PRELID2: variants seen among roughly 807,000 people sequenced by gnomAD.
The protein encoded by PRELID2 is PRELI domain-containing protein 2.
A neutral mutation model predicts 28.4 loss-of-function variants in PRELID2; 25 were observed. The ratio of observed to expected loss-of-function variants is 0.88; its 90% confidence interval spans 0.64 to 1.23. The LOEUF is 1.23. Ranked by LOEUF, PRELID2 falls within the 50% of genes most tolerant of loss-of-function variation. The pLI is 0.00. For synonymous variants in PRELID2, 76 were observed against 71.6 expected, an observed-to-expected ratio of 1.06 and a Z score of -0.31; for missense variants, 201 against 214.4, an observed-to-expected ratio of 0.94 and a Z score of 0.39.
At chr5:145,421,099 GA>G in the PRELID2 span, among the ~76,000 whole-genome samples, 1 of 151,722 alleles carries the variant, frequency 6.6e-6, no homozygotes, top group Non-Finnish European at 1.5e-5. Flanking sequence ...GATCATGGGG[GA>G]TAAGCTTTTT....
At chr5:145,636,972 G>A (rs1036643232) in intron 1 of PRELID2, among the ~76,000 whole-genome samples, 3 of 151,914 alleles carry the variant, frequency 2.0e-5, no homozygotes, top group Non-Finnish European at 4.4e-5. Flanking sequence ...TTCTACCAAC[G>A]GAAAGATGAA....
the PRELID2 span, among the ~76,000 whole-genome samples, chr5:145,336,506 C>T: frequency 6.6e-6 from 1 of 151,856 alleles, no homozygotes; most frequent in African/African-American, 2.4e-5. Flanking sequence ...AGCCAGTTTT[C>T]CCAGCACCAT....
At chr5:145,779,823 T>C (rs527545919) in intron 5 of PRELID2, among the ~76,000 whole-genome samples, 10 of 152,318 alleles carry the variant, frequency 6.6e-5, no homozygotes, top group Admixed American at 5.2e-4. Flanking sequence ...CTGATTTAAA[T>C]CCACATTGGG....
At chr5:145,275,913 C>CAGTATG in the PRELID2 span, among the ~76,000 whole-genome samples, 1 of 152,020 alleles carries the variant, frequency 6.6e-6, no homozygotes, top group East Asian at 1.9e-4. Context: ...ACAGTATGCA[C>CAGTATG]CTCATAAGTG....
chr5:145,378,431 T>C, the PRELID2 span, among the ~76,000 whole-genome samples: 9 of 152,340 alleles, frequency 5.9e-5, no homozygotes, highest in South Asian at 2.1e-4. Context: ...CAGTGAATCA[T>C]AGATTTGGTA....
intron 1 of PRELID2, among the ~76,000 whole-genome samples, chr5:145,492,343 T>TAATACTCCCTTCTCCCTCG (rs1389027055): frequency 9.8e-5 from 14 of 143,518 alleles, no homozygotes; most frequent in South Asian, 7.5e-4. Flanking sequence ...AAATGTCTAT[T>TAATACTCCCTTCTCCCTCG]CAGGTCCTTT....
At chr5:145,633,177 G>A (rs954763831) in intron 1 of PRELID2, among the ~76,000 whole-genome samples, 1 of 152,170 alleles carries the variant, frequency 6.6e-6, no homozygotes, top group African/African-American at 2.4e-5. Flanking sequence ...GTAAAATGCT[G>A]AACAAAGGAC....
the PRELID2 span, among the ~76,000 whole-genome samples, chr5:145,356,602 CT>C: frequency 6.7e-6 from 1 of 150,208 alleles, no homozygotes; most frequent in Non-Finnish European, 1.5e-5. Flanking sequence ...CTTGCTTTTT[CT>C]TTTTTCTGTT....
At chr5:145,826,499 T>C (rs557542899) in intron 1 of PRELID2, among the ~76,000 whole-genome samples, 3 of 152,324 alleles carry the variant, frequency 2.0e-5, no homozygotes, top group South Asian at 4.1e-4. Flanking sequence ...TTTGACTTCA[T>C]TTTGCATTTC....
downstream of PRELID2, among the ~76,000 whole-genome samples, chr5:145,469,059 T>C (rs1240571374): frequency 6.6e-6 from 1 of 152,116 alleles, no homozygotes; most frequent in Non-Finnish European, 1.5e-5. Flanking sequence ...TACAGAAGTG[T>C]ATGTCCACCT....
intron 1 of PRELID2, among the ~76,000 whole-genome samples, chr5:145,745,227 T>A (rs1056946834): frequency 1.3e-5 from 2 of 152,104 alleles, no homozygotes; most frequent in Non-Finnish European, 1.5e-5. Flanking sequence ...AGACCAAACC[T>A]ATGATAGACT....
At chr5:145,243,943 T>G in the PRELID2 span, among the ~76,000 whole-genome samples, 1 of 152,158 alleles carries the variant, frequency 6.6e-6, no homozygotes, top group African/African-American at 2.4e-5. Context: ...CTTGTTTGTT[T>G]GTTTATTTGT....
intron 1 of PRELID2, among the ~76,000 whole-genome samples, chr5:145,717,097 C>A (rs920498886): frequency 6.6e-6 from 1 of 152,068 alleles, no homozygotes; most frequent in Non-Finnish European, 1.5e-5. Flanking sequence ...AAAAGAGAAT[C>A]AGAAAAATAT....
chr5:145,362,072 A>G, the PRELID2 span, among the ~76,000 whole-genome samples: 226 of 152,304 alleles, frequency 1.5e-3, 2 homozygotes, highest in African/African-American at 5.1e-3. Flanking sequence ...TTTTACAAGC[A>G]TAAGGTCCAT....
chr5:145,331,015 C>T, the PRELID2 span, among the ~76,000 whole-genome samples: 1 of 152,048 alleles, frequency 6.6e-6, no homozygotes, highest in African/African-American at 2.4e-5. Flanking sequence ...TTATTTCTGC[C>T]TTAATTTTCT....
the PRELID2 span, among the ~76,000 whole-genome samples, chr5:145,320,364 C>T: frequency 1.3e-5 from 2 of 151,794 alleles, no homozygotes; most frequent in African/African-American, 2.4e-5. Flanking sequence ...TCCGCCTCAC[C>T]GCTTCACGCC....
At chr5:145,469,176 C>T (rs925160629), downstream of PRELID2, among the ~76,000 whole-genome samples, 1 of 152,040 alleles carries the variant, frequency 6.6e-6, no homozygotes, top group Non-Finnish European at 1.5e-5. Context: ...TTATCTCCTT[C>T]GCCCCTTAGA....
chr5:145,342,902 T>TAAAAAAAA, the PRELID2 span, among the ~76,000 whole-genome samples: 3 of 128,970 alleles, frequency 2.3e-5, no homozygotes, highest in Non-Finnish European at 3.3e-5. Flanking sequence ...TCAAAAACAG[T>TAAAAAAAA]AAAAAAAAAA....
At chr5:145,785,370 G>A (rs1581198493) in intron 5 of PRELID2, among the ~76,000 whole-genome samples, 1 of 152,102 alleles carries the variant, frequency 6.6e-6, no homozygotes, top group East Asian at 1.9e-4. Context: ...CTTTCTAAAG[G>A]CACAGCATAC....
Sources: gnomAD v4.1 joint callset for allele counts (sites outside exome capture counted in the v4.1 genomes callset) on GRCh38, gnomAD v4.1.1 for gene constraint, MANE v1.5 for transcripts, NCBI Gene and HGNC (gene_info 2026-07-23, HGNC 2026-07-21) for gene names.